NKAIN2: variants seen among roughly 807,000 people sequenced by gnomAD.
NKAIN2 encodes sodium/potassium transporting ATPase interacting 2, also known as sodium/potassium-transporting ATPase subunit beta-1-interacting protein 2.
NKAIN2 carries 14 observed loss-of-function variants against 32.6 expected under a neutral mutation model. The ratio of observed to expected loss-of-function variants is 0.43; its 90% CI spans 0.28 to 0.67. The LOEUF is 0.67. Among genes scored for constraint, NKAIN2 ranks in the 30% least tolerant of loss-of-function variants. The pLI is 0.17. For synonymous variants in NKAIN2, 80 were observed against 87.2 expected, an observed-to-expected ratio of 0.92 and a Z score of 0.46; for missense variants, 198 against 258.3, an observed-to-expected ratio of 0.77 and a Z score of 1.60.
intron 3 of NKAIN2, among the ~76,000 whole-genome samples, chr6:124,541,569 G>A (rs939531232): frequency 1.3e-5 from 2 of 152,128 alleles, no homozygotes; most frequent in Non-Finnish European, 2.9e-5. Context: ...TGGTGTTAGA[G>A]CATTGGCAAA....
chr6:124,421,090 A>C (rs905129861), intron 3 of NKAIN2, among the ~76,000 whole-genome samples: 5 of 151,496 alleles, frequency 3.3e-5, no homozygotes, highest in Non-Finnish European at 5.9e-5. Context: ...AAAAAAAAAA[A>C]AAAACATGTT....
chr6:124,158,785 A>G (rs951482245), intron 1 of NKAIN2, among the ~76,000 whole-genome samples: 1 of 152,180 alleles, frequency 6.6e-6, no homozygotes, highest in Non-Finnish European at 1.5e-5. Flanking sequence ...ACCCTTTTCT[A>G]TTTGCCAAGT....
chr6:124,093,984 C>G (rs1265131874), intron 1 of NKAIN2, among the ~76,000 whole-genome samples: 1 of 152,096 alleles, frequency 6.6e-6, no homozygotes, highest in Non-Finnish European at 1.5e-5. Flanking sequence ...AACTGGCAGG[C>G]AAGGCATTTG....
chr6:124,114,031 G>A (rs957124769), intron 1 of NKAIN2, among the ~76,000 whole-genome samples: 1 of 152,090 alleles, frequency 6.6e-6, no homozygotes, highest in Non-Finnish European at 1.5e-5. Flanking sequence ...ACAATTGTTG[G>A]CATACAGAGT....
intron 1 of NKAIN2, among the ~76,000 whole-genome samples, chr6:124,150,639 T>C (rs186747679): frequency 7.2e-5 from 11 of 152,300 alleles, no homozygotes; most frequent in Admixed American, 6.5e-4. Flanking sequence ...TACTCAATTC[T>C]GTATGAAAAT....
At chr6:123,980,938 C>T (rs913798345) in intron 1 of NKAIN2, among the ~76,000 whole-genome samples, 2 of 150,688 alleles carry the variant, frequency 1.3e-5, no homozygotes, top group Admixed American at 6.6e-5. Flanking sequence ...GGTGCGATCT[C>T]TGCTCACTGC....
At chr6:123,949,625 G>T (rs918859755) in intron 1 of NKAIN2, among the ~76,000 whole-genome samples, 4 of 151,892 alleles carry the variant, frequency 2.6e-5, no homozygotes, top group African/African-American at 9.7e-5. Context: ...GTATAAAAAT[G>T]CTACTGATTT....
At chr6:124,691,780 C>T (rs151058724) in intron 4 of NKAIN2, among the ~76,000 whole-genome samples, 1 of 152,260 alleles carries the variant, frequency 6.6e-6, no homozygotes, top group African/African-American at 2.4e-5. Flanking sequence ...GTGAGGCCCT[C>T]TCTCACACCA....
At chr6:124,798,509 C>A (rs1182385395) in intron 5 of NKAIN2, among the ~76,000 whole-genome samples, 1 of 152,076 alleles carries the variant, frequency 6.6e-6, no homozygotes, top group Non-Finnish European at 1.5e-5. Flanking sequence ...CCTGAAGACC[C>A]AGGCTTTGCA....
intron 4 of NKAIN2, among the ~76,000 whole-genome samples, chr6:124,711,741 C>T (rs562928401): frequency 2.0e-4 from 31 of 152,036 alleles, no homozygotes; most frequent in East Asian, 3.9e-4. Context: ...TCAAAGTTTT[C>T]GACTTATTTG....
At position 124,658,260 on chromosome 6, in the gene NKAIN2, G is replaced by A. The variant is rs777358267; in HGVS notation, c.348G>A (p.Thr116=). ...GGATGGAGAATGGACCAGGATGTAC[G>A]GTGACGTCAGTGACACCTGCCCCAG... is the stretch of plus-strand genomic sequence containing the variant. ...SWWMENGPGC[T]VTSVTPAPDW... is the part of the protein sequence containing the mutation. Residue 116 remains threonine (T), a synonymous_variant, in exon 4 of 7, where the codon ACG becomes ACA. Transcript: ENST00000368417. The A allele has an allele frequency of 8.7e-6, 14 of 1,613,844 alleles. No homozygotes were observed. Among genetic ancestry groups the A allele is most frequent in the East Asian group, 4.5e-5 (2 of 44,890 alleles).
chr6:124,028,904 CACATATAT>C lies in NKAIN2; in HGVS notation c.54+224651_54+224658del, dbSNP rs1562317505. On this transcript the variant is annotated intron_variant, in intron 1 of 6. Transcript: ENST00000368417. ...ATATATGTGTATATATATATATATA[CACATATAT>C]GTATATATATGTGTATATATATATA... Among the ~76,000 whole-genome samples, 8 of 15,820 alleles carry C rather than the reference CACATATAT, an allele frequency of 5.1e-4. No homozygotes were observed. In the South Asian group the frequency reaches 7.4e-3, roughly 15 times the overall value. The allele number at this position is 15,820 out of a possible 152,430, so 10.4% of individuals were successfully genotyped here.
intron 3 of NKAIN2, among the ~76,000 whole-genome samples, chr6:124,466,476 C>T (rs981058239): frequency 4.6e-5 from 7 of 152,068 alleles, no homozygotes; most frequent in Admixed American, 4.6e-4. Flanking sequence ...GGTTAATCTT[C>T]TTTTCTGTTG....
chr6:123,811,949 A>G (rs1334684317), intron 1 of NKAIN2, among the ~76,000 whole-genome samples: 2 of 152,172 alleles, frequency 1.3e-5, no homozygotes, highest in African/African-American at 4.8e-5. Flanking sequence ...TTTTACAAAC[A>G]AGTCAACATT....
intron 1 of NKAIN2, among the ~76,000 whole-genome samples, chr6:124,047,852 G>A (rs1454234703): frequency 1.3e-5 from 2 of 151,930 alleles, no homozygotes; most frequent in African/African-American, 4.8e-5. Context: ...TCAAAGCAGT[G>A]GCTTGCCTAG....
chr6:123,920,642 G>T (rs2114489212), intron 1 of NKAIN2, among the ~76,000 whole-genome samples: 1 of 152,152 alleles, frequency 6.6e-6, no homozygotes, highest in Middle Eastern at 3.4e-3. Flanking sequence ...CCAAGATTAG[G>T]AGAATAATTT....
At chr6:123,812,839 G>A (rs1773534108) in intron 1 of NKAIN2, among the ~76,000 whole-genome samples, 1 of 152,126 alleles carries the variant, frequency 6.6e-6, no homozygotes, top group Admixed American at 6.5e-5. Context: ...TGCATTCTTT[G>A]GAAACAAATG....
chr6:124,042,616 C>G (rs547075225), intron 1 of NKAIN2, among the ~76,000 whole-genome samples: 6 of 152,190 alleles, frequency 3.9e-5, no homozygotes, highest in African/African-American at 1.4e-4. Flanking sequence ...AGACCTTAAA[C>G]TTATTCTAAG....
intron 1 of NKAIN2, among the ~76,000 whole-genome samples, chr6:123,839,918 C>A (rs953163480): frequency 6.6e-6 from 1 of 152,000 alleles, no homozygotes; most frequent in African/African-American, 2.4e-5. Flanking sequence ...ATATACAAAG[C>A]AAAACTCTTA....
Sources: gnomAD v4.1 joint callset for allele counts (sites outside exome capture counted in the v4.1 genomes callset) on GRCh38, gnomAD v4.1.1 for gene constraint, MANE v1.5 for transcripts, NCBI Gene and HGNC (gene_info 2026-07-23, HGNC 2026-07-21) for gene names.